Variants in SNRK observed in about 807,000 individuals in gnomAD.
The protein encoded by SNRK is SNF related kinase.
In SNRK, 3 loss-of-function variants were observed where a neutral mutation model predicts 48.2. The ratio of observed to expected loss-of-function variants is 0.06; its 90% CI spans 0.03 to 0.16. The LOEUF (loss-of-function observed/expected upper bound fraction) is 0.16. Among genes scored for constraint, SNRK ranks in the 10% least tolerant of loss-of-function variants. The pLI, the probability that SNRK is intolerant of heterozygous loss-of-function variation, is 1.00. For synonymous variants in SNRK, 376 were observed against 366.1 expected, an observed-to-expected ratio of 1.03 and a Z score of -0.31; for missense variants, 627 against 976.0, an observed-to-expected ratio of 0.64 and a Z score of 4.76.
At chr3:43,305,970 G>T (rs1412486678) in intron 3 of SNRK, among the ~76,000 whole-genome samples, 2 of 152,078 alleles carry the variant, frequency 1.3e-5, no homozygotes, top group Non-Finnish European at 2.9e-5. Context: ...GTTGGGTGGT[G>T]GGTACACAGG....
At chr3:43,343,614 A>G in intron 6 of SNRK, 136 bp downstream of exon 6, 1 of 922,168 alleles carries the variant, frequency 1.1e-6, no homozygotes, top group Non-Finnish European at 1.6e-6. Flanking sequence ...TGGAGAGGCC[A>G]CACACGGGCT....
At chr3:43,325,270 A>G (rs1244930714) in intron 3 of SNRK, among the ~76,000 whole-genome samples, 2 of 152,274 alleles carry the variant, frequency 1.3e-5, no homozygotes, top group East Asian at 1.9e-4. Context: ...GGTTCACACC[A>G]TTCTCCTGCC....
chr3:43,298,741 G>A (rs1241377538), intron 1 of SNRK, among the ~76,000 whole-genome samples: 2 of 152,216 alleles, frequency 1.3e-5, no homozygotes, highest in Non-Finnish European at 2.9e-5. Context: ...GGGAAGACCT[G>A]CAAGGCTACC....
chr3:43,331,527 G>C (rs1034456975), intron 3 of SNRK, among the ~76,000 whole-genome samples: 5 of 152,158 alleles, frequency 3.3e-5, no homozygotes. Context: ...ATAACTCACT[G>C]CCTTTTCTGG....
At chr3:43,288,459 AAAAG>A (rs2090783551) in intron 1 of SNRK, among the ~76,000 whole-genome samples, 1 of 152,204 alleles carries the variant, frequency 6.6e-6, no homozygotes, top group South Asian at 2.1e-4. Flanking sequence ...ACATAATCCT[AAAAG>A]AAAGGCTTTT....
At chr3:43,298,204 A>G (rs1290318509) in intron 1 of SNRK, among the ~76,000 whole-genome samples, 3 of 152,186 alleles carry the variant, frequency 2.0e-5, no homozygotes, top group Admixed American at 2.0e-4. Context: ...AGGTGAAGGT[A>G]ACTTGCTGAG....
Position 43,339,841 on chromosome 3 carries a change from A to G in SNRK, c.732-446A>G, listed in dbSNP as rs1394181795. ...AAAATATATATATATATATATATAT[A>G]TATATATATATATATATATATATAT... is the stretch of plus-strand genomic sequence containing the variant. On this transcript the variant is annotated intron_variant, in intron 4 of 6. Transcript: ENST00000296088. Among the ~76,000 whole-genome samples, 4 of 63,420 alleles carry G rather than the reference A, an allele frequency of 6.3e-5. No homozygotes were observed. In the East Asian group the frequency reaches 1.5e-3, roughly 24 times the overall value. The allele number at this position is 63,420 out of a possible 152,430, so 41.6% of individuals were successfully genotyped here. A position where few individuals can be genotyped will look rare whatever the true frequency, so the allele number is the denominator to read the frequency against.
At chr3:43,345,282 T>A (rs2091267187) in intron 6 of SNRK, among the ~76,000 whole-genome samples, 1 of 152,162 alleles carries the variant, frequency 6.6e-6, no homozygotes. Flanking sequence ...GACAAGACCC[T>A]GGACCTCCCT....
At chr3:43,290,420 C>G (rs899413427) in intron 1 of SNRK, among the ~76,000 whole-genome samples, 1 of 152,164 alleles carries the variant, frequency 6.6e-6, no homozygotes, top group Admixed American at 6.5e-5. Flanking sequence ...TCCTGAAAGT[C>G]CAGTCTGAGA....
chr3:43,320,880 C>T lies in SNRK; in HGVS notation c.590-11289C>T, dbSNP rs559739660. On this transcript the variant is annotated intron_variant, in intron 3 of 6. Transcript: ENST00000296088. ...GGCTCTTCATGACTTTGAATTTTAG[C>T]TCATGTATTCCTGTTACTCCCAAAA... 7.0e-4 allele frequency among the ~76,000 whole-genome samples: 105 copies of T among 150,464 alleles called. 2 individuals carry two copies. Among genetic ancestry groups the T allele is most frequent in the Middle Eastern group, 6.8e-3 (2 of 294 alleles).
rs779596849 is a variant in SNRK at position 43,303,546 on chromosome 3, T to C, written c.343T>C (p.Leu115=). The C allele has an allele frequency of 1.9e-6, 3 of 1,614,060 alleles. No homozygotes were observed. Among genetic ancestry groups the C allele is most frequent in the Admixed American group, 3.3e-5 (2 of 60,008 alleles). ...MKHEEGLNED[L]AKKYFAQIVH... ...ACATGAGGAGGGTCTTAATGAAGACTTGGCCAAGAAGTATTTTGCTCAGAT... is the reference window on the plus strand; with the variant it reads ...ACATGAGGAGGGTCTTAATGAAGACCTGGCCAAGAAGTATTTTGCTCAGAT... The change falls in exon 3 of 7, where the codon TTG becomes CTG. Residue 115 remains leucine (L), a synonymous_variant. Coordinates refer to ENST00000296088, the MANE Select transcript of SNRK (RefSeq NM_017719.5). The surrounding 1 kb of genome is among the most constrained non-coding windows in gnomAD (Gnocchi z 6.2).
chr3:43,320,812 C>CT, intron 3 of SNRK, among the ~76,000 whole-genome samples: 1 of 151,950 alleles, frequency 6.6e-6, no homozygotes, highest in East Asian at 1.9e-4. Flanking sequence ...TGAGGTCACA[C>CT]TTTTAAGATT....
chr3:43,339,879 C>A (rs1424190872), intron 4 of SNRK, among the ~76,000 whole-genome samples: 2 of 93,344 alleles, frequency 2.1e-5, no homozygotes, highest in Non-Finnish European at 4.3e-5. Flanking sequence ...ATATATGTTA[C>A]ATGGTATTTT....
chr3:43,301,998 T>G (rs1242857628), intron 2 of SNRK, among the ~76,000 whole-genome samples: 2 of 152,216 alleles, frequency 1.3e-5, no homozygotes, highest in Non-Finnish European at 2.9e-5. Flanking sequence ...AAGTTGAAAT[T>G]TTTAAGTACA....
At chr3:43,317,010 G>A (rs1014711825) in intron 3 of SNRK, among the ~76,000 whole-genome samples, 1 of 151,886 alleles carries the variant, frequency 6.6e-6, no homozygotes. Flanking sequence ...GGGGTTTTTC[G>A]TTTGTTTGTT....
intron 3 of SNRK, among the ~76,000 whole-genome samples, chr3:43,311,197 AAC>A (rs2090976594): frequency 3.3e-5 from 5 of 152,192 alleles, no homozygotes; most frequent in Admixed American, 3.3e-4. Context: ...GAAAACCTGG[AAC>A]ACATGTCTGC....
At position 43,348,625 on chromosome 3, in the gene SNRK, TC is replaced by T. The variant is rs2091298958; in HGVS notation, c.*70del. On this transcript the variant is annotated 3_prime_UTR_variant, in exon 7 of 7. Coordinates refer to ENST00000296088, the MANE Select transcript of SNRK (RefSeq NM_017719.5). ...AGTGAAGACCGGCTCACTTCACTGTTCCATTTGGTTTTACTATTTTAAAGTG... is the reference window on the plus strand; with the variant it reads ...AGTGAAGACCGGCTCACTTCACTGTTCATTTGGTTTTACTATTTTAAAGTG... 2.1e-6 allele frequency: 3 copies of T among 1,417,028 alleles called. No homozygotes were observed. The highest frequency in any genetic ancestry group is 6.2e-5 in the Admixed American group (2 of 32,074). 87.8% of individuals were successfully genotyped at this position (1,417,028 alleles called of 1,614,324 possible). A position where few individuals can be genotyped will look rare whatever the true frequency, so the allele number is the denominator to read the frequency against.
At chr3:43,330,132 G>C (rs2091135257) in intron 3 of SNRK, among the ~76,000 whole-genome samples, 1 of 152,088 alleles carries the variant, frequency 6.6e-6, no homozygotes, top group African/African-American at 2.4e-5. Flanking sequence ...TTAGTGGTTA[G>C]GTATGATTAT....
chr3:43,294,210 G>A (rs2090834946), intron 1 of SNRK, among the ~76,000 whole-genome samples: 1 of 152,024 alleles, frequency 6.6e-6, no homozygotes, highest in Admixed American at 6.6e-5. Context: ...TTATAGTCAA[G>A]GATATTAATT....
Sources: allele counts gnomAD v4.1 joint callset (sites outside exome capture counted in the v4.1 genomes callset), GRCh38; gene constraint gnomAD v4.1.1; non-coding constraint Gnocchi (gnomAD v3.1); transcripts MANE v1.5; gene names NCBI Gene and HGNC (gene_info 2026-07-23, HGNC 2026-07-21).